CRLF2: variants seen among roughly 807,000 people sequenced by gnomAD.
The protein encoded by CRLF2 is cytokine receptor-like factor 2.
In CRLF2, 41 loss-of-function variants were observed where a neutral mutation model predicts 38.7. The ratio of observed to expected loss-of-function variants is 1.06; its 90% confidence interval spans 0.83 to 1.37. The LOEUF (loss-of-function observed/expected upper bound fraction) is 1.37, where lower values mean the gene tolerates loss of function less well. Ranked by LOEUF, CRLF2 falls within the 40% of genes most tolerant of loss-of-function variation. The pLI is 0.00. For missense variants in CRLF2, 377 were observed against 322.2 expected (o/e 1.17, Z -1.30); for synonymous variants, 140 against 128.8 (o/e 1.09, Z -0.59).
chrX:1,205,173 C>A (rs1350472560), intron 3 of CRLF2, among the ~76,000 whole-genome samples: 1 of 152,192 alleles, frequency 6.6e-6, no homozygotes, highest in Non-Finnish European at 1.5e-5. Flanking sequence ...CATCTGGTCT[C>A]CCCACTGGGG....
At chrX:1,195,375 G>T (rs1211734654) in intron 6 of CRLF2, among the ~76,000 whole-genome samples, 2 of 151,926 alleles carry the variant, frequency 1.3e-5, no homozygotes, top group Admixed American at 1.3e-4. Context: ...TCTTCTTGCT[G>T]CCCTCACCAA....
At chrX:1,203,633 C>G (rs1333346731) in intron 3 of CRLF2, among the ~76,000 whole-genome samples, 566 of 140,376 alleles carry the variant, frequency 4.0e-3, no homozygotes, top group Middle Eastern at 0.034. Context: ...TGGAGTGATG[C>G]GGCCACAAGC....
chrX:1,191,348 T>TTCCTTCCTTCCTTCCTTCCTTC (rs1413878313), intron 7 of CRLF2, among the ~76,000 whole-genome samples, 188 bp from the exon 8 acceptor site: 1 of 122,756 alleles, frequency 8.1e-6, no homozygotes, highest in African/African-American at 2.8e-5. Flanking sequence ...TTTCTTTCCT[T>TTCCTTCCTTCCTTCCTTCCTTC]CTTTCTTTCT....
intron 1 of CRLF2, among the ~76,000 whole-genome samples, chrX:1,211,092 G>T (rs1171209704): frequency 4.0e-5 from 6 of 151,066 alleles, no homozygotes; most frequent in African/African-American, 1.5e-4. Context: ...TGGATAGATG[G>T]ATAAGTGGAT....
At chrX:1,208,362 C>A (rs1402265727) in intron 2 of CRLF2, among the ~76,000 whole-genome samples, 3 of 152,008 alleles carry the variant, frequency 2.0e-5, no homozygotes, top group Non-Finnish European at 4.4e-5. Flanking sequence ...AGTTTGAAAC[C>A]GGCCTGACCA....
intron 6 of CRLF2, among the ~76,000 whole-genome samples, chrX:1,194,440 T>G (rs1287351302): frequency 6.6e-6 from 1 of 151,878 alleles, no homozygotes; most frequent in African/African-American, 2.4e-5. Context: ...CCAGCCTGGG[T>G]GACAGAGTGA....
At chrX:1,192,021 T>A (rs1388907501) in intron 7 of CRLF2, among the ~76,000 whole-genome samples, 7,966 of 141,846 alleles carry the variant, frequency 0.056, 340 homozygotes, top group Middle Eastern at 0.16. Context: ...CCGACTAACA[T>A]GGTGAAACCC....
chrX:1,204,371 G>C (rs1301527525), intron 3 of CRLF2, among the ~76,000 whole-genome samples: 1 of 147,168 alleles, frequency 6.8e-6, no homozygotes, highest in Non-Finnish European at 1.5e-5. Flanking sequence ...TGGGATTACA[G>C]GCATGCACCA....
chrX:1,207,344 C>A (rs188196699), intron 2 of CRLF2, among the ~76,000 whole-genome samples: 1 of 151,930 alleles, frequency 6.6e-6, no homozygotes, highest in African/African-American at 2.4e-5. Context: ...CAACCTCTGC[C>A]TCCCGGATTC....
At chrX:1,209,622 C>T (rs1353101568) in intron 1 of CRLF2, among the ~76,000 whole-genome samples, 4 of 152,146 alleles carry the variant, frequency 2.6e-5, no homozygotes, top group African/African-American at 9.7e-5. Context: ...TGAGCCACCG[C>T]GCCCGGCTGC....
At chrX:1,203,259 G>A (rs368092118) in intron 3 of CRLF2, among the ~76,000 whole-genome samples, 39 of 152,224 alleles carry the variant, frequency 2.6e-4, no homozygotes, top group Non-Finnish European at 1.9e-4. Context: ...AGACACAGAG[G>A]AGGAGGCCAC....
intron 6 of CRLF2, among the ~76,000 whole-genome samples, chrX:1,196,410 T>G (rs1569467599): frequency 6.6e-6 from 1 of 151,900 alleles, no homozygotes; most frequent in African/African-American, 2.4e-5. Context: ...ATGGTCTCGA[T>G]CTCTTGACCT....
rs754779662 is a variant in CRLF2, at chrX:1,196,893, A to T, written c.654T>A (p.Cys218Ter). The change falls in exon 6 of 8, where the codon TGT becomes TGA. Residue 218 changes from cysteine to a stop codon, truncating the protein, a stop_gained. Coordinates refer to ENST00000400841, the MANE Select transcript of CRLF2 (RefSeq NM_022148.4). LOFTEE classifies it high-confidence loss of function. ...GTTTGGGAGGCGTTGGTGTCTCTGC[A>T]CAGGCATCTGAAACAAAATGAAAAG... The part of the protein sequence containing the change: ...CWQRGEIRDA[C>*]AETPTPPKPK... 3.3e-5 allele frequency: 54 copies of T among 1,612,854 alleles called. No homozygotes were observed. The highest frequency in any genetic ancestry group is 4.4e-5 in the Non-Finnish European group (52 of 1,179,494).
At chrX:1,200,062 G>T (rs1430728650) in intron 4 of CRLF2, among the ~76,000 whole-genome samples, 2 of 109,830 alleles carry the variant, frequency 1.8e-5, no homozygotes, top group African/African-American at 6.1e-5. Context: ...TGTATATAAG[G>T]TGTGTATATA....
intron 1 of CRLF2, among the ~76,000 whole-genome samples, chrX:1,210,464 C>T (rs1448819501): frequency 6.6e-6 from 1 of 152,122 alleles, no homozygotes; most frequent in South Asian, 2.1e-4. Context: ...CAGGCACCTG[C>T]CACCATGCCC....
At chrX:1,209,294 T>TTGTATTGTAGTGTAG (rs1556425210) in intron 1 of CRLF2, among the ~76,000 whole-genome samples, 17 of 142,524 alleles carry the variant, frequency 1.2e-4, no homozygotes, top group African/African-American at 3.4e-4. Flanking sequence ...TTGCATTGTA[T>TTGTATTGTAGTGTAG]TGTAGTGTAG....
chrX:1,207,593 T>C (rs1225914656), intron 2 of CRLF2, among the ~76,000 whole-genome samples: 1 of 143,124 alleles, frequency 7.0e-6, no homozygotes, highest in Non-Finnish European at 1.5e-5. Context: ...AGGAAGAAAC[T>C]GAGCTGAATT....
intron 7 of CRLF2, among the ~76,000 whole-genome samples, chrX:1,192,698 T>TC (rs1354719729): frequency 2.0e-5 from 3 of 149,428 alleles, no homozygotes; most frequent in Non-Finnish European, 3.0e-5. Flanking sequence ...TTTCTTTTTC[T>TC]TTTCTTTTCT....
intron 5 of CRLF2, among the ~76,000 whole-genome samples, chrX:1,198,140 C>G (rs80094920): frequency 2.8e-5 from 4 of 142,670 alleles, no homozygotes; most frequent in African/African-American, 7.8e-5. Context: ...AGGCAGGACA[C>G]CCTCCCTCCC....
Sources: gnomAD v4.1 joint callset for allele counts (sites outside exome capture counted in the v4.1 genomes callset) on GRCh38, gnomAD v4.1.1 for gene constraint, MANE v1.5 for transcripts, NCBI Gene and HGNC (gene_info 2026-07-23, HGNC 2026-07-21) for gene names.